The following LRP1B variants were observed in gnomAD, a reference collection of about 807,000 sequenced individuals.
LRP1B encodes LDL receptor related protein 1B.
Under a neutral mutation model 556.6 loss-of-function variants are expected in LRP1B, and 217 were observed. The ratio of observed to expected loss-of-function variants is 0.39; its 90% confidence interval spans 0.35 to 0.44. LRP1B has a LOEUF of 0.44. LRP1B is among the 20% of genes least tolerant of loss of function. The pLI is 1.00. For synonymous variants in LRP1B, 2,047 were observed against 1,865.8 expected (o/e 1.10, Z -2.50); for missense variants, 5,053 against 5,620.8 (o/e 0.90, Z 3.23).
intron 7 of LRP1B, among the ~76,000 whole-genome samples, chr2:141,187,849 AAAAAAAG>A (rs1681325207): frequency 1.3e-5 from 2 of 151,976 alleles, no homozygotes; most frequent in Non-Finnish European, 2.9e-5. Context: ...GGAAGTTAAA[AAAAAAAG>A]AAGATGAATT....
intron 71 of LRP1B, among the ~76,000 whole-genome samples, chr2:140,369,845 G>A (rs926481725): frequency 6.6e-6 from 1 of 151,892 alleles, no homozygotes; most frequent in Non-Finnish European, 1.5e-5. Flanking sequence ...AACCTAGAGT[G>A]CACATTCAAG....
chr2:141,203,709 C>A (rs571956463), intron 6 of LRP1B, among the ~76,000 whole-genome samples: 1 of 152,180 alleles, frequency 6.6e-6, no homozygotes, highest in African/African-American at 2.4e-5. Flanking sequence ...ACTCTCCACC[C>A]CAAATCAACA....
intron 3 of LRP1B, among the ~76,000 whole-genome samples, chr2:141,470,405 T>C (rs1235748495): frequency 2.0e-5 from 3 of 152,212 alleles, no homozygotes; most frequent in East Asian, 3.8e-4. Context: ...AGCACATTTT[T>C]TTCCTTTTCA....
chr2:140,449,299 G>A (rs959295585), intron 63 of LRP1B, among the ~76,000 whole-genome samples: 1 of 152,002 alleles, frequency 6.6e-6, no homozygotes, highest in Admixed American at 6.6e-5. Flanking sequence ...TTACTTTATT[G>A]TGGGGAAAGT....
At chr2:140,526,488 T>C (rs1055455006) in intron 47 of LRP1B, 138 bp from the exon 48 acceptor site, 1 of 592,498 alleles carries the variant, frequency 1.7e-6, no homozygotes, top group Non-Finnish European at 3.0e-6. Flanking sequence ...ACTTGACCCC[T>C]GAACCCCACC....
chr2:141,200,282 G>T (rs1020270862), intron 6 of LRP1B, among the ~76,000 whole-genome samples: 4 of 152,222 alleles, frequency 2.6e-5, no homozygotes, highest in Admixed American at 6.5e-5. Context: ...CATATCCTTT[G>T]CAGTAACATG....
intron 89 of LRP1B, among the ~76,000 whole-genome samples, chr2:140,236,767 C>G (rs960402264): frequency 2.0e-5 from 3 of 150,790 alleles, no homozygotes; most frequent in African/African-American, 7.3e-5. Context: ...TTATTGGAAA[C>G]AACATACTTA....
At chr2:140,468,955 C>G (rs746246529) in intron 60 of LRP1B, among the ~76,000 whole-genome samples, 2 of 152,124 alleles carry the variant, frequency 1.3e-5, no homozygotes, top group East Asian at 3.9e-4. Context: ...AGCAGGAGAA[C>G]GATAAATCAT....
intron 82 of LRP1B, among the ~76,000 whole-genome samples, chr2:140,318,192 T>TTA (rs1684613263): frequency 6.6e-6 from 1 of 152,108 alleles, no homozygotes; most frequent in African/African-American, 2.4e-5. Flanking sequence ...TAACTAGCAT[T>TTA]TATCTTCAGC....
intron 2 of LRP1B, among the ~76,000 whole-genome samples, chr2:141,505,677 T>C (rs1011858020): frequency 1.3e-5 from 2 of 152,060 alleles, no homozygotes; most frequent in Admixed American, 6.6e-5. Context: ...GCTTTTGAAA[T>C]GGACAAAATA....
chr2:140,352,566 C>A (rs1016927125), intron 76 of LRP1B, among the ~76,000 whole-genome samples: 1 of 152,108 alleles, frequency 6.6e-6, no homozygotes, highest in Non-Finnish European at 1.5e-5. Context: ...AAAATCCTTA[C>A]TCAAAATTCC....
chr2:140,389,516 C>T (rs945621530), intron 66 of LRP1B, among the ~76,000 whole-genome samples: 5 of 149,956 alleles, frequency 3.3e-5, no homozygotes, highest in Non-Finnish European at 7.4e-5. Flanking sequence ...AAAAATGAAA[C>T]AAACTAACAA....
chr2:142,114,602 T>C (rs571353779), intron 1 of LRP1B, among the ~76,000 whole-genome samples: 125 of 152,178 alleles, frequency 8.2e-4, no homozygotes, highest in Non-Finnish European at 1.5e-3. Flanking sequence ...ATAATACAAT[T>C]CTGTCATTTA....
chr2:141,862,070 A>T (rs967653724), intron 1 of LRP1B, among the ~76,000 whole-genome samples: 1 of 152,210 alleles, frequency 6.6e-6, no homozygotes, highest in African/African-American at 2.4e-5. Flanking sequence ...TCATAAACCA[A>T]TTTTTCAAAT....
intron 49 of LRP1B, among the ~76,000 whole-genome samples, chr2:140,523,446 G>A (rs1484526909): frequency 6.6e-6 from 1 of 151,840 alleles, no homozygotes; most frequent in African/African-American, 2.4e-5. Flanking sequence ...GCAAAAGCTG[G>A]AATCATTCAT....
intron 43 of LRP1B, among the ~76,000 whole-genome samples, chr2:140,547,355 T>C (rs1015644081): frequency 1.3e-5 from 2 of 152,154 alleles, no homozygotes; most frequent in African/African-American, 4.8e-5. Context: ...GCTCAGGGAT[T>C]CAATTTTTTT....
intron 7 of LRP1B, among the ~76,000 whole-genome samples, chr2:141,124,157 A>T (rs1447521782): frequency 6.6e-6 from 1 of 152,138 alleles, no homozygotes; most frequent in African/African-American, 2.4e-5. Flanking sequence ...ACAAAAGCAT[A>T]AAAGTGGTGG....
intron 25 of LRP1B, among the ~76,000 whole-genome samples, chr2:140,881,253 A>AGTGT (rs3063611): frequency 0.21 from 30,814 of 148,972 alleles, 3,204 homozygotes; most frequent in Admixed American, 0.22. Flanking sequence ...CTTTGCTGTA[A>AGTGT]GTGTGTGTGT....
chr2:141,076,806 C>G (rs1395793235), intron 7 of LRP1B, among the ~76,000 whole-genome samples: 2 of 152,178 alleles, frequency 1.3e-5, no homozygotes, highest in Non-Finnish European at 2.9e-5. Flanking sequence ...AAATACAAAA[C>G]AAGATCATTG....
Sources: allele counts gnomAD v4.1 joint callset (sites outside exome capture counted in the v4.1 genomes callset), GRCh38; gene constraint gnomAD v4.1.1; transcripts MANE v1.5; gene names NCBI Gene and HGNC (gene_info 2026-07-23, HGNC 2026-07-21).